Variants in ADGRB3 observed in about 807,000 individuals in gnomAD.
ADGRB3 encodes brain-specific angiogenesis inhibitor 3.
ADGRB3 carries 37 observed loss-of-function variants against 193.4 expected under a neutral mutation model. The ratio of observed to expected loss-of-function variants is 0.19; its 90% CI spans 0.15 to 0.25. The LOEUF (loss-of-function observed/expected upper bound fraction) is 0.25. Among genes scored for constraint, ADGRB3 ranks in the 10% least tolerant of loss-of-function variants. The probability of loss-of-function intolerance (pLI) is 1.00; values close to 1 mark genes in which losing one functional copy is unlikely to be tolerated. For synonymous variants in ADGRB3, 690 were observed against 644.2 expected (o/e 1.07, Z -1.08); for missense variants, 1,637 against 1,852.9 (o/e 0.88, Z 2.14).
chr6:68,732,593 G>C (rs1765794359), intron 3 of ADGRB3, among the ~76,000 whole-genome samples: 1 of 151,906 alleles, frequency 6.6e-6, no homozygotes, highest in African/African-American at 2.4e-5. Context: ...GAAAACGGAA[G>C]TTTGGGATGA....
chr6:69,166,983 A>G (rs1775145320), intron 17 of ADGRB3, among the ~76,000 whole-genome samples: 3 of 152,070 alleles, frequency 2.0e-5, no homozygotes, highest in Admixed American at 6.6e-5. Context: ...GGTTATGCAA[A>G]TCTTAATCTG....
chr6:68,876,781 G>A (rs1233829647), intron 3 of ADGRB3, among the ~76,000 whole-genome samples: 1 of 151,900 alleles, frequency 6.6e-6, no homozygotes, highest in African/African-American at 2.4e-5. Context: ...TTAGAACTGG[G>A]TATTTATCTT....
At chr6:69,062,340 G>A (rs764643636) in intron 15 of ADGRB3, among the ~76,000 whole-genome samples, 1 of 151,690 alleles carries the variant, frequency 6.6e-6, no homozygotes, top group African/African-American at 2.4e-5. Context: ...GATATTTCAG[G>A]CAAAATGTCT....
intron 6 of ADGRB3, among the ~76,000 whole-genome samples, chr6:68,953,943 G>C (rs1562098659): frequency 6.6e-6 from 1 of 152,196 alleles, no homozygotes; most frequent in Non-Finnish European, 1.5e-5. Context: ...ACAATGAACT[G>C]ATCTTGGAAA....
chr6:68,721,041 G>A (rs992818774), intron 3 of ADGRB3, among the ~76,000 whole-genome samples: 1 of 151,840 alleles, frequency 6.6e-6, no homozygotes, highest in Admixed American at 6.6e-5. Context: ...CTGTAAACTA[G>A]TTCAACCATT....
chr6:69,093,627 G>T (rs1210817997), intron 17 of ADGRB3, among the ~76,000 whole-genome samples: 1 of 151,226 alleles, frequency 6.6e-6, no homozygotes, highest in African/African-American at 2.4e-5. Flanking sequence ...GTGGGAGATG[G>T]GTGGGGAGCC....
chr6:68,881,599 C>T (rs12528789), intron 3 of ADGRB3, among the ~76,000 whole-genome samples: 59 of 152,162 alleles, frequency 3.9e-4, no homozygotes, highest in African/African-American at 1.4e-3. Flanking sequence ...CTAATAAAAG[C>T]CAACCATTCA....
chr6:68,668,469 G>A (rs1768853956), intron 3 of ADGRB3, among the ~76,000 whole-genome samples: 1 of 151,858 alleles, frequency 6.6e-6, no homozygotes, highest in Non-Finnish European at 1.5e-5. Context: ...TTTGGTAATT[G>A]TATTCATTTT....
chr6:69,045,192 G>A (rs1004437899), intron 13 of ADGRB3, among the ~76,000 whole-genome samples: 1 of 152,104 alleles, frequency 6.6e-6, no homozygotes, highest in Non-Finnish European at 1.5e-5. Flanking sequence ...AGGTCGGATT[G>A]TTCTAGTGTC....
chr6:69,159,301 T>C (rs1179078155), intron 17 of ADGRB3, among the ~76,000 whole-genome samples: 1 of 152,164 alleles, frequency 6.6e-6, no homozygotes, highest in Non-Finnish European at 1.5e-5. Context: ...TCTCTTACAT[T>C]CCATTTGCAT....
chr6:69,343,716 CA>C (rs1319385052), intron 26 of ADGRB3, among the ~76,000 whole-genome samples: 1 of 151,048 alleles, frequency 6.6e-6, no homozygotes, highest in Non-Finnish European at 1.5e-5. Context: ...GAGAAAAAAA[CA>C]AAAGACAAAA....
chr6:69,255,105 C>T (rs1335660293), intron 20 of ADGRB3, among the ~76,000 whole-genome samples: 2 of 151,836 alleles, frequency 1.3e-5, no homozygotes, highest in African/African-American at 2.4e-5. Flanking sequence ...TCCAGTCTAT[C>T]ACTGTTGGAC....
intron 17 of ADGRB3, among the ~76,000 whole-genome samples, chr6:69,206,407 T>C (rs1046104907): frequency 1.3e-5 from 2 of 152,088 alleles, no homozygotes; most frequent in Non-Finnish European, 2.9e-5. Context: ...ACATCCAGGA[T>C]CAATACTTTG....
intron 25 of ADGRB3, 96 bp downstream of exon 25, chr6:69,339,110 G>C (rs891532331): frequency 1.7e-5 from 22 of 1,312,986 alleles, no homozygotes; most frequent in Non-Finnish European, 2.1e-5. Context: ...TCTAATACAA[G>C]ACCAGAGAGT....
At chr6:68,791,743 G>A (rs968837028) in intron 3 of ADGRB3, among the ~76,000 whole-genome samples, 57 of 152,248 alleles carry the variant, frequency 3.7e-4, no homozygotes, top group Middle Eastern at 3.4e-3. Flanking sequence ...ATGTTGATGA[G>A]CAAGGTAAAG....
At chr6:68,855,769 A>G (rs1036009245) in intron 3 of ADGRB3, among the ~76,000 whole-genome samples, 3 of 152,148 alleles carry the variant, frequency 2.0e-5, no homozygotes, top group Non-Finnish European at 4.4e-5. Context: ...CTGTAATCCT[A>G]GCATTTCAGA....
rs536639372 is a variant in ADGRB3, at chr6:68,807,668, A to T, written c.758-122891A>T. On this transcript the variant is annotated intron_variant, in intron 3 of 31. Coordinates refer to ENST00000370598, the MANE Select transcript of ADGRB3 (RefSeq NM_001704.3). ...CATAGGCAGTCTCATTCCAATTATC[A>T]GTAGCTTACAGATATACTTATTTCA... is the stretch of plus-strand genomic sequence containing the variant. 1.2e-4 allele frequency among the ~76,000 whole-genome samples: 18 copies of T among 152,300 alleles called. No homozygotes were observed. In the East Asian group the frequency reaches 3.1e-3, roughly 26 times the overall value.
At chr6:69,307,072 T>TA (rs1165247817) in intron 20 of ADGRB3, among the ~76,000 whole-genome samples, 2 of 147,174 alleles carry the variant, frequency 1.4e-5, no homozygotes, top group East Asian at 4.0e-4. Flanking sequence ...TAAAAATAGC[T>TA]TTTTTTTTTG....
At chr6:69,094,142 C>G (rs1000800160) in intron 17 of ADGRB3, among the ~76,000 whole-genome samples, 1 of 152,082 alleles carries the variant, frequency 6.6e-6, no homozygotes. Flanking sequence ...CCGAAACCAA[C>G]AGACTTTGGT....
Sources: gnomAD v4.1 joint callset for allele counts (sites outside exome capture counted in the v4.1 genomes callset) on GRCh38, gnomAD v4.1.1 for gene constraint, MANE v1.5 for transcripts, NCBI Gene and HGNC (gene_info 2026-07-23, HGNC 2026-07-21) for gene names.